Variants in DLGAP2 observed in about 807,000 individuals in gnomAD.
DLGAP2 encodes the protein disks large-associated protein 2.
A neutral mutation model predicts 100.3 loss-of-function variants in DLGAP2; 26 were observed. The ratio of observed to expected loss-of-function variants is 0.26; its 90% CI spans 0.19 to 0.36. The LOEUF (loss-of-function observed/expected upper bound fraction) is 0.36. Among genes scored for constraint, DLGAP2 ranks in the 10% least tolerant of loss-of-function variants. DLGAP2 has a pLI of 1.00. For missense variants in DLGAP2, 1,858 were observed against 1,453.2 expected (o/e 1.28, Z -4.53); for synonymous variants, 886 against 630.1 (o/e 1.41, Z -6.08).
At chr8:1,066,610 A>C (rs371306477) in intron 2 of DLGAP2, among the ~76,000 whole-genome samples, 1 of 151,506 alleles carries the variant, frequency 6.6e-6, no homozygotes, top group Admixed American at 6.6e-5. Context: ...GAGTGAGGGC[A>C]GCTCCCCACC....
intron 3 of DLGAP2, among the ~76,000 whole-genome samples, chr8:1,476,985 G>T (rs751071988): frequency 1.8e-4 from 27 of 152,008 alleles, no homozygotes; most frequent in Admixed American, 9.9e-4. Context: ...TGTATGCTTT[G>T]TGTGACCCTC....
At chr8:881,644 C>T (rs978449376) in intron 1 of DLGAP2, among the ~76,000 whole-genome samples, 2 of 79,262 alleles carry the variant, frequency 2.5e-5, no homozygotes, top group Non-Finnish European at 6.3e-5. Flanking sequence ...GGATTATAGG[C>T]GCACGCCACC....
intron 4 of DLGAP2, among the ~76,000 whole-genome samples, chr8:1,531,055 T>C (rs1461319628): frequency 6.6e-6 from 1 of 152,250 alleles, no homozygotes; most frequent in Non-Finnish European, 1.5e-5. Context: ...TTCTGTTTAA[T>C]AAATATTGAG....
At chr8:1,311,119 A>G (rs1471437324) in intron 3 of DLGAP2, among the ~76,000 whole-genome samples, 1 of 152,184 alleles carries the variant, frequency 6.6e-6, no homozygotes, top group African/African-American at 2.4e-5. Context: ...GACCACACAA[A>G]TAAAAAGGAT....
chr8:961,595 G>C (rs1799727195), intron 2 of DLGAP2, among the ~76,000 whole-genome samples: 1 of 152,146 alleles, frequency 6.6e-6, no homozygotes, highest in Non-Finnish European at 1.5e-5. Context: ...TCATTTCATT[G>C]AATGATATTT....
chr8:1,622,188 C>A (rs569792409), intron 6 of DLGAP2: 25 of 152,322 alleles, frequency 1.6e-4, no homozygotes, highest in African/African-American at 6.0e-4. Context: ...GCTCCATTTT[C>A]CATTGAATGC....
At chr8:1,216,670 C>G (rs751803866) in intron 2 of DLGAP2, among the ~76,000 whole-genome samples, 1 of 152,056 alleles carries the variant, frequency 6.6e-6, no homozygotes, top group Non-Finnish European at 1.5e-5. Flanking sequence ...AAGTATTTAT[C>G]TAGTTTTTGC....
chr8:945,163 T>C (rs1451796927), intron 2 of DLGAP2, among the ~76,000 whole-genome samples: 2 of 152,236 alleles, frequency 1.3e-5, no homozygotes, highest in Admixed American at 6.5e-5. Context: ...ACTTTTGTTT[T>C]TATTTTTCCA....
intron 3 of DLGAP2, among the ~76,000 whole-genome samples, chr8:1,424,284 C>T (rs951776347): frequency 6.6e-5 from 10 of 152,218 alleles, no homozygotes; most frequent in African/African-American, 2.4e-4. Context: ...GCATCTAACT[C>T]TTCAATCTAA....
At chr8:1,297,962 C>T (rs1800228118) in intron 3 of DLGAP2, among the ~76,000 whole-genome samples, 1 of 43,820 alleles carries the variant, frequency 2.3e-5, no homozygotes, top group Non-Finnish European at 4.1e-5. Context: ...ACAGACACCA[C>T]GTGAGACAGG....
intron 3 of DLGAP2, among the ~76,000 whole-genome samples, chr8:1,287,131 C>CGTGTGT (rs33910191): frequency 0.043 from 5,893 of 136,934 alleles, 344 homozygotes; most frequent in South Asian, 0.091. Context: ...TTCGGTTCAG[C>CGTGTGT]GTGTGTGTGT....
intron 3 of DLGAP2, among the ~76,000 whole-genome samples, chr8:1,280,299 C>G (rs1383168321): frequency 6.6e-6 from 1 of 152,164 alleles, no homozygotes; most frequent in Admixed American, 6.5e-5. Flanking sequence ...GGGCTGTACT[C>G]GTAACCCCTT....
intron 8 of DLGAP2, among the ~76,000 whole-genome samples, chr8:1,638,143 G>C (rs1797813273): frequency 6.6e-6 from 1 of 152,158 alleles, no homozygotes; most frequent in Non-Finnish European, 1.5e-5. Context: ...GAGGTCACTG[G>C]AGGACTCTAA....
rs908815935 is a variant in DLGAP2 at position 1,268,010 on chromosome 8, T to C, written c.106+9127T>C. On this transcript the variant is annotated intron_variant, in intron 3 of 14. Transcript: ENST00000637795. ...GCCACAGCTATTCAATATGATAAGA[T>C]AGAGTGAAACGGGGATGAATTGAAC... Among the ~76,000 whole-genome samples the C allele has an allele frequency of 4.6e-5, 7 of 152,306 alleles. No individual in the cohort carries two copies. In the East Asian group the frequency reaches 7.7e-4, roughly 17 times the overall value.
chr8:809,470 T>G lies in DLGAP2; in HGVS notation c.18+71645T>G, dbSNP rs955869772. Among the ~76,000 whole-genome samples the G allele has an allele frequency of 2.4e-4, 37 of 151,810 alleles. 1 individual carries two copies. The highest frequency in any genetic ancestry group is 2.1e-3 in the East Asian group (11 of 5,154). On this transcript the variant is annotated intron_variant, in intron 1 of 14. Transcript: ENST00000637795. ...CTGTCTCTGGCAGGTTTTTTTTTTT[T>G]TGTGGCTAATTTCATGCAGCCTGAT...
chr8:902,228 C>A (rs1367775428), intron 1 of DLGAP2, among the ~76,000 whole-genome samples: 1 of 152,168 alleles, frequency 6.6e-6, no homozygotes. Flanking sequence ...TCCTCTCGGG[C>A]TCTGATCATT....
chr8:1,335,821 A>T (rs1053574925), intron 3 of DLGAP2, among the ~76,000 whole-genome samples: 16 of 152,258 alleles, frequency 1.1e-4, no homozygotes, highest in Admixed American at 9.2e-4. Flanking sequence ...AACAAGTTTC[A>T]GATAAATAAG....
intron 2 of DLGAP2, among the ~76,000 whole-genome samples, chr8:1,046,841 T>C (rs951891921): frequency 6.6e-6 from 1 of 152,198 alleles, no homozygotes; most frequent in African/African-American, 2.4e-5. Context: ...AACCCCCCTT[T>C]TTTTTTTCTG....
At chr8:1,107,774 CTG>C (rs1193296958) in intron 2 of DLGAP2, among the ~76,000 whole-genome samples, 5 of 152,234 alleles carry the variant, frequency 3.3e-5, no homozygotes, top group Admixed American at 6.5e-5. Flanking sequence ...CCATCCCCCT[CTG>C]TGAGTTACGG....
Sources: gnomAD v4.1 joint callset for allele counts (sites outside exome capture counted in the v4.1 genomes callset) on GRCh38, gnomAD v4.1.1 for gene constraint, MANE v1.5 for transcripts, NCBI Gene and HGNC (gene_info 2026-07-23, HGNC 2026-07-21) for gene names.